Variants in FREM2 observed in about 807,000 individuals in gnomAD.
FREM2 encodes FRAS1 related extracellular matrix 2.
FREM2 carries 119 observed loss-of-function variants against 219.9 expected under a neutral mutation model. The ratio of observed to expected loss-of-function variants is 0.54; its 90% CI spans 0.47 to 0.63. FREM2 has a LOEUF of 0.63. Ranked by LOEUF, FREM2 falls within the 30% of genes least tolerant of loss-of-function variation. FREM2 has a pLI of 0.00. For missense variants in FREM2, 4,030 were observed against 3,993.6 expected, an observed-to-expected ratio of 1.01 and a Z score of -0.25; for synonymous variants, 1,562 against 1,522.8, an observed-to-expected ratio of 1.03 and a Z score of -0.60.
rs377001164 is a variant in FREM2 at position 38,689,710 on chromosome 13, C to A, written c.2366C>A (p.Pro789Gln). Residue 789 changes from proline to glutamine, a missense_variant, in exon 1 of 24, where the codon CCG (proline) becomes CAG (glutamine). Around this residue, in one of 2 missense-constraint regions of FREM2, gnomAD observed 3,102 missense variants for 2,950.7 expected, o/e 1.05. Coordinates refer to ENST00000280481, the MANE Select transcript of FREM2 (RefSeq NM_207361.6). ...INHHKIAYRP[P>Q]GQELGVATRV... Reference sequence around the variant, plus strand: ...CATCATAAAATTGCTTACAGACCCCCGGGTCAAGAACTGGGCGTGGCTACT... The same window carrying A: ...CATCATAAAATTGCTTACAGACCCCAGGGTCAAGAACTGGGCGTGGCTACT... The A allele has an allele frequency of 6.2e-7, 1 of 1,613,776 alleles. No individual in the cohort carries two copies. The highest frequency in any genetic ancestry group is 2.2e-5 in the East Asian group (1 of 44,880).
intron 2 of FREM2, among the ~76,000 whole-genome samples, chr13:38,731,827 T>A (rs1452593838): frequency 6.6e-6 from 1 of 152,204 alleles, no homozygotes; most frequent in African/African-American, 2.4e-5. Flanking sequence ...TCGGTCAAGC[T>A]GCTGCTGTTC....
intron 2 of FREM2, among the ~76,000 whole-genome samples, chr13:38,746,185 A>G (rs1872475991): frequency 6.6e-6 from 1 of 152,302 alleles, no homozygotes; most frequent in East Asian, 1.9e-4. Context: ...AACTCTAAAC[A>G]TAGGCTCGAT....
At chr13:38,728,407 C>T (rs766529081) in intron 2 of FREM2, among the ~76,000 whole-genome samples, 2 of 151,906 alleles carry the variant, frequency 1.3e-5, no homozygotes, top group African/African-American at 4.8e-5. Context: ...GATCCCCACA[C>T]TATTATTATT....
chr13:38,879,080 A>T, intron 23 of FREM2, 103 bp downstream of exon 23: 1 of 1,052,368 alleles, frequency 9.5e-7, no homozygotes, highest in Middle Eastern at 2.1e-4. Context: ...CAGTAATAGT[A>T]ATATTGCATA....
At chr13:38,801,514 A>G (rs913836097) in intron 6 of FREM2, among the ~76,000 whole-genome samples, 3 of 152,048 alleles carry the variant, frequency 2.0e-5, no homozygotes, top group Admixed American at 1.3e-4. Flanking sequence ...GACGATCTAT[A>G]TATGGTTTTG....
At chr13:38,796,463 A>G (rs1326648092) in intron 6 of FREM2, among the ~76,000 whole-genome samples, 1 of 152,104 alleles carries the variant, frequency 6.6e-6, no homozygotes, top group Non-Finnish European at 1.5e-5. Context: ...ATAATGGGGA[A>G]GTTCCCCAAA....
chr13:38,850,121 G>A lies in FREM2; in HGVS notation c.6463G>A (p.Asp2155Asn). Residue 2155 changes from aspartate (D) to asparagine (N), a missense_variant, in exon 9 of 24, where the codon GAT (aspartate) becomes AAT (asparagine). By Grantham distance (23) the Asp-to-Asn change is conservative. Transcript: ENST00000280481. ...AGTTACAATGATCCATAGGACTGGG[G>A]ATGTCCAGTACAGATCTTCAGTGAG... is the stretch of plus-strand genomic sequence containing the variant. ...QIVTMIHRTG[D>N]VQYRSSVRCY... 1.2e-6 allele frequency: 2 copies of A among 1,613,540 alleles called. No individual in the cohort carries two copies. Among genetic ancestry groups the A allele is most frequent in the Non-Finnish European group, 1.7e-6 (2 of 1,179,440 alleles).
At chr13:38,784,971 G>A (rs1033411279) in intron 6 of FREM2, among the ~76,000 whole-genome samples, 163 bp downstream of exon 6, 14 of 152,068 alleles carry the variant, frequency 9.2e-5, no homozygotes, top group African/African-American at 2.9e-4. Context: ...TGCATCTGTC[G>A]GTTTGTCTTC....
In FREM2 at chr13:38,880,417, C is replaced by A. The variant is rs762219950; in HGVS notation, c.9140C>A (p.Thr3047Asn). 53 of 1,613,954 alleles carry A rather than the reference C, an allele frequency of 3.3e-5. No homozygotes were observed. In the Admixed American group the frequency reaches 8.7e-4, roughly 26 times the overall value. The change falls in exon 24 of 24, where the codon ACC (threonine) becomes AAC (asparagine). Residue 3047 changes from threonine to asparagine, a missense_variant. Physicochemically the swap from Thr to Asn is moderately conservative, Grantham distance 65. Transcript: ENST00000280481. ...AGTCAAGGAAAGCCCCAATCCACCA[C>A]CAAGAGCCGGAAGAAGAGAGAGATC... ...LVSQGKPQST[T>N]KSRKKREIRS...
At chr13:38,844,601 C>T (rs1206261073) in intron 6 of FREM2, among the ~76,000 whole-genome samples, 1 of 152,070 alleles carries the variant, frequency 6.6e-6, no homozygotes, top group Non-Finnish European at 1.5e-5. Flanking sequence ...TATTATGTTC[C>T]TTTTTTGTTA....
At chr13:38,765,262 T>C (rs983763108) in intron 3 of FREM2, among the ~76,000 whole-genome samples, 2 of 152,194 alleles carry the variant, frequency 1.3e-5, no homozygotes, top group African/African-American at 2.4e-5. Flanking sequence ...GGCAGTATAT[T>C]GGTACTTTTA....
intron 2 of FREM2, among the ~76,000 whole-genome samples, chr13:38,726,098 C>T (rs1447405956): frequency 3.3e-5 from 5 of 152,060 alleles, no homozygotes; most frequent in South Asian, 2.1e-4. Flanking sequence ...GGAGAGGCAC[C>T]GGTGTTGGTT....
chr13:38,851,876 GCTCCCAGGGCCTGT>G lies in FREM2; in HGVS notation c.6925+13_6925+26del, dbSNP rs746759401. 5.6e-6 allele frequency: 9 copies of G among 1,612,234 alleles called. No individual in the cohort carries two copies. In the South Asian group the frequency reaches 9.9e-5, roughly 18 times the overall value. The stretch of plus-strand genomic sequence containing the variant: ...ACCACCCTGTGTCAGAAGGTATGGG[GCTCCCAGGGCCTGT>G]CTCCTGATGGATCATGCCAACTCTG... On this transcript the variant is annotated intron_variant, in intron 11 of 23. Transcript: ENST00000280481.
rs767978562 is a variant in FREM2, at chr13:38,851,093, C to T, written c.6727C>T (p.Arg2243Ter). The T allele has an allele frequency of 6.8e-6, 11 of 1,613,486 alleles. No individual in the cohort carries two copies. Among genetic ancestry groups the T allele is most frequent in the Non-Finnish European group, 9.3e-6 (11 of 1,179,912 alleles). ...ACAAAATGAAACTCTCATAAGGATC[C>T]GAGATGATGCTGATAGTAAGAAATC... ...GEQNETLIRIRDDADKTVIKF... is the reference protein window; with the variant it reads ...GEQNETLIRI Residue 2243 changes from arginine (R) to a stop codon, truncating the protein, a stop_gained, in exon 10 of 24, where the codon CGA becomes TGA. Transcript: ENST00000280481. LOFTEE classifies it high-confidence loss of function.
intron 2 of FREM2, among the ~76,000 whole-genome samples, chr13:38,718,735 C>T (rs1167201402): frequency 6.6e-6 from 1 of 152,094 alleles, no homozygotes; most frequent in African/African-American, 2.4e-5. Flanking sequence ...TTACATACCT[C>T]CAGTTTCGAA....
At position 38,880,707 on chromosome 13, in the gene FREM2, A is replaced by T. The variant is rs767242570; in HGVS notation, c.9430A>T (p.Lys3144Ter). 1 of 1,614,158 alleles carries T rather than the reference A, an allele frequency of 6.2e-7. No homozygotes were observed. Among genetic ancestry groups the T allele is most frequent in the Non-Finnish European group, 8.5e-7 (1 of 1,180,018 alleles). Reference protein sequence around the residue: ...MCRGKESFRGKDAPKGSSSSE... With the variant: ...MCRGKESFRG Reference sequence around the variant, plus strand: ...CAGGGGCAAGGAAAGTTTCAGGGGGAAGGATGCCCCGAAAGGCTCCAGCAG... The same window carrying T: ...CAGGGGCAAGGAAAGTTTCAGGGGGTAGGATGCCCCGAAAGGCTCCAGCAG... The change falls in exon 24 of 24, where the codon AAG (lysine) becomes TAG (stop). Residue 3144 changes from lysine (K) to a stop codon, truncating the protein, a stop_gained. Coordinates refer to ENST00000280481, the MANE Select transcript of FREM2 (RefSeq NM_207361.6). LOFTEE classifies it low-confidence loss of function (END_TRUNC).
Position 38,784,661 on chromosome 13 carries a change from G to A in FREM2, c.5872G>A (p.Glu1958Lys). ...SVVRFDKDER[E>K]KLCRIVIIDD... ...TGTCCGCTTTGACAAAGATGAACGG[G>A]AGAAACTGTGTCGGATAGTCATAAT... The change falls in exon 6 of 24, where the codon GAG becomes AAG. Residue 1958 changes from glutamate (E) to lysine (K), a missense_variant. Physicochemically the swap from Glu to Lys is moderately conservative, Grantham distance 56. Around this residue, in one of 2 missense-constraint regions of FREM2, gnomAD observed 3,102 missense variants for 2,950.7 expected, o/e 1.05. Transcript: ENST00000280481. 6.2e-7 allele frequency: 1 copy of A among 1,614,184 alleles called. No homozygotes were observed. Among genetic ancestry groups the A allele is most frequent in the Non-Finnish European group, 8.5e-7 (1 of 1,180,014 alleles).
At chr13:38,693,488 A>T (rs1440338862) in intron 1 of FREM2, among the ~76,000 whole-genome samples, 1 of 152,210 alleles carries the variant, frequency 6.6e-6, no homozygotes, top group Non-Finnish European at 1.5e-5. Flanking sequence ...TTATTTAGTG[A>T]GGGAAGGGAG....
At chr13:38,780,838 A>G (rs558613740) in intron 4 of FREM2, among the ~76,000 whole-genome samples, 12 of 152,286 alleles carry the variant, frequency 7.9e-5, no homozygotes, top group African/African-American at 2.6e-4. Flanking sequence ...TTAATCCACT[A>G]GAGCTTCCCC....
Sources: allele counts gnomAD v4.1 joint callset (sites outside exome capture counted in the v4.1 genomes callset), GRCh38; gene constraint gnomAD v4.1.1; regional missense constraint gnomAD v4.1.1; transcripts MANE v1.5; gene names NCBI Gene and HGNC (gene_info 2026-07-23, HGNC 2026-07-21).